The following PDE4D variants were observed in gnomAD, a reference collection of about 807,000 sequenced individuals.
The protein encoded by PDE4D is 3',5'-cyclic-AMP phosphodiesterase 4D.
A neutral mutation model predicts 87.4 loss-of-function variants in PDE4D; 24 were observed. The ratio of observed to expected loss-of-function variants is 0.27; its 90% CI spans 0.20 to 0.39. The LOEUF is 0.39. Ranked by LOEUF, PDE4D falls within the 10% of genes least tolerant of loss-of-function variation. PDE4D has a pLI of 1.00. For synonymous variants in PDE4D, 384 were observed against 383.2 expected (o/e 1.00, Z -0.02); for missense variants, 714 against 1,041.0 (o/e 0.69, Z 4.32).
rs192939765 is a variant in PDE4D, at chr5:60,028,947, G to A, written c.43-40230C>T. ...TTCCCTCCTCTTAAACATTTATGAT[G>A]CACAATAATTCTATTTTAGCATATT... On this transcript the variant is annotated intron_variant, in intron 2 of 16. Coordinates refer to the PDE4D transcript ENST00000502484. Among the ~76,000 whole-genome samples, 24 of 152,222 alleles carry A rather than the reference G, an allele frequency of 1.6e-4. No homozygotes were observed. In the East Asian group the frequency reaches 4.4e-3, roughly 28 times the overall value.
At chr5:59,973,302 C>T (rs1235055385) in intron 3 of PDE4D, among the ~76,000 whole-genome samples, 1 of 151,968 alleles carries the variant, frequency 6.6e-6, no homozygotes, top group African/African-American at 2.4e-5. Flanking sequence ...TCAAAAAATT[C>T]AAATTATTTT....
At chr5:60,301,960 T>A (rs986981500) in intron 1 of PDE4D, among the ~76,000 whole-genome samples, 1 of 152,216 alleles carries the variant, frequency 6.6e-6, no homozygotes. Flanking sequence ...GTTTTTTTTA[T>A]AGGATGAATA....
chr5:60,334,752 G>C (rs1757597914), intron 1 of PDE4D, among the ~76,000 whole-genome samples: 1 of 151,774 alleles, frequency 6.6e-6, no homozygotes, highest in Non-Finnish European at 1.5e-5. Flanking sequence ...TTGTAAACTT[G>C]TGTTTTACCC....
intron 3 of PDE4D, among the ~76,000 whole-genome samples, chr5:59,928,844 A>G (rs1397050436): frequency 6.7e-6 from 1 of 149,922 alleles, no homozygotes; most frequent in Non-Finnish European, 1.5e-5. Flanking sequence ...AAATTTCTAT[A>G]TATTAGAAAT....
At position 59,674,883 on chromosome 5, in the gene PDE4D, G is replaced by A. The variant is rs941955415; in HGVS notation, c.455+218285C>T. On this transcript the variant is annotated intron_variant, in intron 1 of 14. Transcript: ENST00000340635. ...CCACAATGCATAGTTTAATATTTGTGTGGCTCAAAACAGCTAACTTATCTT... is the reference window on the plus strand; with the variant it reads ...CCACAATGCATAGTTTAATATTTGTATGGCTCAAAACAGCTAACTTATCTT... Among the ~76,000 whole-genome samples the A allele has an allele frequency of 5.3e-5, 8 of 152,186 alleles. No individual in the cohort carries two copies. The South Asian group carries it at 6.2e-4, about 12-fold the overall frequency.
At chr5:59,061,691 A>G (rs1006994053) in intron 5 of PDE4D, among the ~76,000 whole-genome samples, 2 of 152,076 alleles carry the variant, frequency 1.3e-5, no homozygotes, top group Admixed American at 6.6e-5. Context: ...AGATTCCCCA[A>G]TAGATAGAAA....
chr5:59,026,808 T>C (rs1756336299), intron 6 of PDE4D, among the ~76,000 whole-genome samples: 1 of 152,218 alleles, frequency 6.6e-6, no homozygotes, highest in African/African-American at 2.4e-5. Context: ...AACTTTTTGT[T>C]TTAGAACAGA....
intron 1 of PDE4D, among the ~76,000 whole-genome samples, chr5:59,423,019 TTG>T (rs1794697094): frequency 6.6e-6 from 1 of 152,336 alleles, no homozygotes; most frequent in Non-Finnish European, 1.5e-5. Context: ...AAATAATCAC[TTG>T]TTTCTCTCCA....
intron 1 of PDE4D, among the ~76,000 whole-genome samples, chr5:59,800,720 GCT>G (rs1767030259): frequency 6.7e-6 from 1 of 150,304 alleles, no homozygotes; most frequent in Non-Finnish European, 1.5e-5. Context: ...AGTCAGCAAA[GCT>G]GTGTGGTGCC....
chr5:59,529,075 T>A (rs534225141), intron 1 of PDE4D: 4 of 469,206 alleles, frequency 8.5e-6, no homozygotes, highest in Middle Eastern at 6.2e-4. Flanking sequence ...GTTGGACCTA[T>A]GCAAGATCAG....
chr5:59,650,327 C>T (rs770222015), intron 1 of PDE4D, among the ~76,000 whole-genome samples: 1 of 152,146 alleles, frequency 6.6e-6, no homozygotes, highest in South Asian at 2.1e-4. Context: ...AGAAAAGCCT[C>T]AGAAGCTCTT....
rs1475526346 is a variant in PDE4D at position 59,790,103 on chromosome 5, C to T, written c.455+103065G>A. Among the ~76,000 whole-genome samples, 5 of 152,250 alleles carry T rather than the reference C, an allele frequency of 3.3e-5. No homozygotes were observed. In the South Asian group the frequency reaches 6.2e-4, roughly 19 times the overall value. On this transcript the variant is annotated intron_variant, in intron 1 of 14. Coordinates refer to ENST00000340635, the MANE Select transcript of PDE4D (RefSeq NM_001104631.2). The stretch of plus-strand genomic sequence containing the variant: ...AGAGCCTGGAGAGCTACTGGAGTAC[C>T]TCTATCTGTAGACGAGGAAACAGGA...
intron 1 of PDE4D, among the ~76,000 whole-genome samples, chr5:60,255,752 T>G (rs1278373955): frequency 6.6e-6 from 1 of 151,776 alleles, no homozygotes; most frequent in Admixed American, 6.6e-5. Context: ...GGAAGATCAC[T>G]TAGCTCCAGG....
chr5:59,189,240 T>TG (rs1554092725), intron 3 of PDE4D, among the ~76,000 whole-genome samples: 6 of 82,750 alleles, frequency 7.3e-5, no homozygotes, highest in African/African-American at 2.9e-4. Flanking sequence ...CCGTTTTTTT[T>TG]TTTGTTTTTT....
chr5:59,324,356 C>A (rs1331646612), intron 1 of PDE4D, among the ~76,000 whole-genome samples: 2 of 152,272 alleles, frequency 1.3e-5, no homozygotes, highest in African/African-American at 4.8e-5. Context: ...CCCTTGCAGC[C>A]ACATACTTAC....
At chr5:59,543,260 A>G (rs577872037) in intron 1 of PDE4D, among the ~76,000 whole-genome samples, 1 of 152,266 alleles carries the variant, frequency 6.6e-6, no homozygotes, top group Non-Finnish European at 1.5e-5. Flanking sequence ...ACACTATCTG[A>G]ATTTTTTGAG....
intron 3 of PDE4D, among the ~76,000 whole-genome samples, chr5:59,929,817 C>T (rs551428172): frequency 1.8e-4 from 27 of 152,262 alleles, no homozygotes; most frequent in African/African-American, 6.3e-4. Context: ...GCTTGGGCAC[C>T]TCTTCCCAGG....
chr5:59,990,439 G>C (rs1762890197), intron 2 of PDE4D, among the ~76,000 whole-genome samples: 1 of 151,872 alleles, frequency 6.6e-6, no homozygotes, highest in Non-Finnish European at 1.5e-5. Flanking sequence ...CTTGAAAAAA[G>C]GTAAAAGGAT....
At chr5:60,039,508 C>T (rs1355085500) in intron 2 of PDE4D, among the ~76,000 whole-genome samples, 1 of 151,586 alleles carries the variant, frequency 6.6e-6, no homozygotes, top group African/African-American at 2.4e-5. Flanking sequence ...ATGGGTGCAG[C>T]ACACCAGCAT....
Sources: gnomAD v4.1 joint callset for allele counts (sites outside exome capture counted in the v4.1 genomes callset) on GRCh38, gnomAD v4.1.1 for gene constraint, MANE v1.5 for transcripts, NCBI Gene and HGNC (gene_info 2026-07-23, HGNC 2026-07-21) for gene names.